Variants in RACGAP1 observed in about 807,000 individuals in gnomAD.
The protein encoded by RACGAP1 is rac GTPase-activating protein 1.
RACGAP1 carries 30 observed loss-of-function variants against 78.1 expected under a neutral mutation model. The observed-to-expected ratio is 0.38, with a 90% CI of 0.29 to 0.52. The LOEUF is 0.52. Among genes scored for constraint, RACGAP1 ranks in the 20% least tolerant of loss-of-function variants. The pLI is 0.82. For missense variants in RACGAP1, 587 were observed against 777.1 expected (o/e 0.76, Z 2.91); for synonymous variants, 231 against 264.8 (o/e 0.87, Z 1.24).
intron 5 of RACGAP1, among the ~76,000 whole-genome samples, chr12:50,002,946 C>T (rs1948771712): frequency 1.3e-5 from 2 of 151,746 alleles, no homozygotes; most frequent in East Asian, 3.9e-4. Context: ...ATGGCATAAA[C>T]CCGGGAGGCG....
At chr12:50,025,644 T>G, upstream of RACGAP1, 3 of 740,644 alleles carry the variant, frequency 4.1e-6, no homozygotes, top group South Asian at 6.1e-5. Flanking sequence ...TTTTGACTAA[T>G]GTCAACGGTT....
At position 50,004,244 on chromosome 12, in the gene RACGAP1, A is replaced by T; in HGVS notation, c.486T>A (p.Asp162Glu). 2 of 1,605,818 alleles carry T rather than the reference A, an allele frequency of 1.2e-6. No homozygotes were observed. The highest frequency in any genetic ancestry group is 1.3e-5 in the African/African-American group (1 of 74,980). ...ATCAAATGTTTATTACCAGTGATTC[A>T]TCAGTCTTGTCAAAGCTGATATCTG... ...ILSDISFDKT[D>E]ESLDWDSSLV... The change falls in exon 5 of 17, where the codon GAT becomes GAA. Residue 162 changes from aspartate (D) to glutamate (E), a missense_variant. Asp to Glu is a conservative substitution (Grantham distance 45). Coordinates refer to ENST00000312377, the MANE Select transcript of RACGAP1 (RefSeq NM_001319999.2).
intron 2 of RACGAP1, among the ~76,000 whole-genome samples, chr12:50,014,720 G>A (rs1229952259): frequency 1.3e-5 from 2 of 151,782 alleles, no homozygotes; most frequent in East Asian, 1.9e-4. Context: ...CCACACTGGC[G>A]GGTTTTTTTG....
intron 4 of RACGAP1, among the ~76,000 whole-genome samples, chr12:50,004,679 T>A (rs1425342457): frequency 6.6e-6 from 1 of 152,130 alleles, no homozygotes; most frequent in African/African-American, 2.4e-5. Flanking sequence ...CAAACAAGAG[T>A]ATTACCCAAC....
At chr12:50,000,861 A>G (rs1417077632) in intron 7 of RACGAP1, among the ~76,000 whole-genome samples, 1 of 152,106 alleles carries the variant, frequency 6.6e-6, no homozygotes, top group Non-Finnish European at 1.5e-5. Flanking sequence ...CAGCCTGACC[A>G]ATATGATGAA....
chr12:50,015,042 CA>C (rs35573059), intron 2 of RACGAP1, among the ~76,000 whole-genome samples: 53 of 120,954 alleles, frequency 4.4e-4, no homozygotes, highest in South Asian at 5.8e-4. Context: ...GATTCTGTCT[CA>C]AAAAAAAAAA....
exon 2 of RACGAP1, chr12:50,031,785 C>A: frequency 1.0e-6 from 1 of 984,608 alleles, no homozygotes; most frequent in South Asian, 4.7e-5. Flanking sequence ...CCCTTTCATA[C>A]TCCTGATTTG....
intron 7 of RACGAP1, among the ~76,000 whole-genome samples, chr12:50,000,239 T>A (rs1948587830): frequency 6.6e-6 from 1 of 151,886 alleles, no homozygotes; most frequent in African/African-American, 2.4e-5. Context: ...GGTCTCAATC[T>A]CCTGACCTCG....
intron 7 of RACGAP1, among the ~76,000 whole-genome samples, chr12:50,000,413 C>T (rs1338629604): frequency 6.6e-6 from 1 of 151,960 alleles, no homozygotes; most frequent in African/African-American, 2.4e-5. Context: ...CCTAGGCCTC[C>T]CAAAGTGCAG....
At chr12:50,017,697 G>T (rs1949757021) in intron 1 of RACGAP1, among the ~76,000 whole-genome samples, 2 of 152,174 alleles carry the variant, frequency 1.3e-5, no homozygotes, top group Admixed American at 1.3e-4. Flanking sequence ...AAGGATTCTT[G>T]TGTTTCTCTT....
upstream of RACGAP1, among the ~76,000 whole-genome samples, chr12:50,028,575 C>G (rs1950302017): frequency 6.6e-6 from 1 of 152,068 alleles, no homozygotes; most frequent in Admixed American, 6.5e-5. Flanking sequence ...TCGAGACCAG[C>G]CTGGCCAACA....
At chr12:49,996,066 C>T (rs966210661) in intron 10 of RACGAP1, among the ~76,000 whole-genome samples, 1 of 152,142 alleles carries the variant, frequency 6.6e-6, no homozygotes, top group East Asian at 1.9e-4. Flanking sequence ...AATCCCAACA[C>T]TTTAGGAGGC....
At chr12:50,015,584 G>A (rs1367485165) in intron 2 of RACGAP1, among the ~76,000 whole-genome samples, 1 of 151,370 alleles carries the variant, frequency 6.6e-6, no homozygotes, top group Non-Finnish European at 1.5e-5. Flanking sequence ...GGCAGATCAC[G>A]AGGTCAGGAG....
At chr12:49,991,301 T>C (rs12297785) in intron 15 of RACGAP1, among the ~76,000 whole-genome samples, 10,876 of 151,326 alleles carry the variant, frequency 0.072, 1,321 homozygotes, top group African/African-American at 0.25. Context: ...TTAAGAGAAA[T>C]GCTATATTGA....
At chr12:50,023,522 C>A (rs1300767686) in intron 1 of RACGAP1, among the ~76,000 whole-genome samples, 2 of 152,124 alleles carry the variant, frequency 1.3e-5, no homozygotes, top group Non-Finnish European at 2.9e-5. Context: ...TCACTTGAGG[C>A]CAGAAGTTCA....
At position 49,992,578 on chromosome 12, in the gene RACGAP1, A is replaced by G; in HGVS notation, c.1417T>C (p.Leu473=). 1 of 1,614,126 alleles carries G rather than the reference A, an allele frequency of 6.2e-7. No homozygotes were observed. The highest frequency in any genetic ancestry group is 8.5e-7 in the Non-Finnish European group (1 of 1,179,998). The change falls in exon 13 of 17, where the codon TTA becomes CTA. Residue 473 remains leucine (L), a synonymous_variant. Transcript: ENST00000312377. ...TGCAAGTGAATCATGAGGAAAGCTA[A>G]TGTGTCCCTGTTGGCCTGGGGCAGT... ...GELPQANRDT[L]AFLMIHLQRV...
chr12:50,025,234 C>A (rs1386733181), intron 1 of RACGAP1, 164 bp downstream of exon 1: 1 of 908,468 alleles, frequency 1.1e-6, no homozygotes, highest in Non-Finnish European at 1.3e-6. Flanking sequence ...CCTGCCACGA[C>A]CCCCACCCCA....
chr12:50,000,938 C>T (rs555092772), intron 7 of RACGAP1, among the ~76,000 whole-genome samples: 1 of 152,250 alleles, frequency 6.6e-6, no homozygotes, highest in Non-Finnish European at 1.5e-5. Context: ...ATCCCAGCTA[C>T]GTGGGAGGCT....
At chr12:50,002,135 T>C in intron 6 of RACGAP1, 112 bp downstream of exon 6, 2 of 727,324 alleles carry the variant, frequency 2.7e-6, no homozygotes, top group Non-Finnish European at 4.7e-6. Context: ...CTGTAGTATG[T>C]GCTTAACAAT....
Sources: allele counts gnomAD v4.1 joint callset (sites outside exome capture counted in the v4.1 genomes callset), GRCh38; gene constraint gnomAD v4.1.1; transcripts MANE v1.5; gene names NCBI Gene and HGNC (gene_info 2026-07-23, HGNC 2026-07-21).